The following ZMPSTE24 variants were observed in gnomAD, a reference collection of about 807,000 sequenced individuals.
ZMPSTE24 encodes CAAX prenyl protease 1 homolog.
Under a neutral mutation model 56.7 loss-of-function variants are expected in ZMPSTE24, and 48 were observed. The observed-to-expected ratio is 0.85, with a 90% CI of 0.67 to 1.08. The LOEUF is 1.08. Ranked by LOEUF, ZMPSTE24 falls within the 50% of genes least tolerant of loss-of-function variation. The pLI, the probability that ZMPSTE24 is intolerant of heterozygous loss-of-function variation, is 0.00. For missense variants in ZMPSTE24, 503 were observed against 548.7 expected (o/e 0.92, Z 0.83); for synonymous variants, 172 against 195.2 (o/e 0.88, Z 0.99).
Position 40,281,471 on chromosome 1 carries a change from A to G in ZMPSTE24, c.898A>G (p.Met300Val), listed in dbSNP as rs143533530. 9 of 1,614,168 alleles carry G rather than the reference A, an allele frequency of 5.6e-6. No homozygotes were observed. The highest frequency in any genetic ancestry group is 7.6e-6 in the Non-Finnish European group (9 of 1,180,006). The change falls in exon 7 of 10, where the codon ATG (methionine) becomes GTG (valine). Residue 300 changes from methionine (M) to valine (V), a missense_variant. Physicochemically the swap from Met to Val is conservative, Grantham distance 21 (BLOSUM62 1). Coordinates refer to ENST00000372759, the MANE Select transcript of ZMPSTE24 (RefSeq NM_005857.5). ...LNKDIQEDSG[M>V]EPRNEEEGNS... Reference sequence around the variant, plus strand: ...CAAAGACATCCAGGAGGATTCTGGCATGGAACCCCGCAATGAGGAAGAAGG... The same window carrying G: ...CAAAGACATCCAGGAGGATTCTGGCGTGGAACCCCGCAATGAGGAAGAAGG...
intron 6 of ZMPSTE24, among the ~76,000 whole-genome samples, chr1:40,275,144 G>A (rs948668820): frequency 1.3e-4 from 20 of 151,906 alleles, no homozygotes; most frequent in African/African-American, 4.8e-4. Context: ...TTTGGACCAG[G>A]CGCAGTGGCT....
At position 40,290,829 on chromosome 1, in the gene ZMPSTE24, A is replaced by G. The variant is rs143214823; in HGVS notation, c.1060-25A>G. The G allele has an allele frequency of 4.6e-5, 74 of 1,608,898 alleles. No individual in the cohort carries two copies. The African/African-American group carries it at 8.3e-4, about 18-fold the overall frequency. On this transcript the variant is annotated intron_variant, in intron 8 of 9. Transcript: ENST00000372759. ...AGTGAAATCAGCTTGGTAATAACTTAGAAATTTCATGTCCTTCTTTCTAGA... is the reference window on the plus strand; with the variant it reads ...AGTGAAATCAGCTTGGTAATAACTTGGAAATTTCATGTCCTTCTTTCTAGA...
chr1:40,259,556 A>C (rs569881150), intron 1 of ZMPSTE24: 1 of 152,178 alleles, frequency 6.6e-6, no homozygotes, highest in East Asian at 1.9e-4. Context: ...CGCCCAGCTA[A>C]TTTTAGTATT....
intron 4 of ZMPSTE24, 146 bp downstream of exon 4, chr1:40,268,681 C>G: frequency 1.5e-6 from 1 of 661,120 alleles, no homozygotes; most frequent in Non-Finnish European, 2.5e-6. Context: ...AAGATCATAG[C>G]TGAAAGTCTT....
Sources: gnomAD v4.1 joint callset for allele counts (sites outside exome capture counted in the v4.1 genomes callset) on GRCh38, gnomAD v4.1.1 for gene constraint, MANE v1.5 for transcripts, NCBI Gene and HGNC (gene_info 2026-07-23, HGNC 2026-07-21) for gene names.